TMEM117: variants seen among roughly 807,000 people sequenced by gnomAD.
TMEM117 encodes the protein transmembrane protein 117.
TMEM117 carries 27 observed loss-of-function variants against 52.4 expected under a neutral mutation model. The ratio of observed to expected loss-of-function variants is 0.51; its 90% CI spans 0.38 to 0.71. The LOEUF is 0.71. Among genes scored for constraint, TMEM117 ranks in the 30% least tolerant of loss-of-function variants. The pLI is 0.00. For missense variants in TMEM117, 556 were observed against 630.5 expected (o/e 0.88, Z 1.26); for synonymous variants, 215 against 206.3 (o/e 1.04, Z -0.36).
chr12:43,806,337 C>G, the TMEM117 span: 59 of 1,282,264 alleles, frequency 4.6e-5, 1 homozygote, highest in South Asian at 1.3e-3. Context: ...CCGCCGGCCC[C>G]GGCGCGTCAT....
chr12:43,882,107 A>T (rs1452720837), intron 2 of TMEM117, among the ~76,000 whole-genome samples: 1 of 151,962 alleles, frequency 6.6e-6, no homozygotes, highest in African/African-American at 2.4e-5. Context: ...AACAACAACA[A>T]CAAAGACTTT....
At chr12:44,359,551 C>A (rs905632874) in intron 6 of TMEM117, among the ~76,000 whole-genome samples, 4 of 151,864 alleles carry the variant, frequency 2.6e-5, no homozygotes, top group Non-Finnish European at 4.4e-5. Context: ...GAATTATAAA[C>A]CATAATTTGT....
At chr12:43,902,225 A>G (rs1018650911) in intron 2 of TMEM117, among the ~76,000 whole-genome samples, 4 of 152,314 alleles carry the variant, frequency 2.6e-5, no homozygotes, top group African/African-American at 9.6e-5. Context: ...ATGGGTTGGG[A>G]CCAAGGCATA....
intron 5 of TMEM117, among the ~76,000 whole-genome samples, chr12:44,217,530 T>C (rs2138416483): frequency 6.6e-6 from 1 of 152,340 alleles, no homozygotes; most frequent in Non-Finnish European, 1.5e-5. Flanking sequence ...TTCTTTAGAA[T>C]AAGGGATAAA....
intron 6 of TMEM117, among the ~76,000 whole-genome samples, chr12:44,315,415 T>G (rs1374898160): frequency 6.6e-6 from 1 of 152,212 alleles, no homozygotes; most frequent in African/African-American, 2.4e-5. Context: ...GTCAACACTG[T>G]TTTTGCTTCA....
At chr12:44,068,390 T>G (rs762599687) in intron 3 of TMEM117, among the ~76,000 whole-genome samples, 4 of 152,238 alleles carry the variant, frequency 2.6e-5, no homozygotes, top group Non-Finnish European at 5.9e-5. Context: ...CTCACTAAGC[T>G]TAATCATTTC....
chr12:43,959,544 T>C (rs1453554762), intron 3 of TMEM117, among the ~76,000 whole-genome samples: 1 of 152,216 alleles, frequency 6.6e-6, no homozygotes, highest in Non-Finnish European at 1.5e-5. Flanking sequence ...CTTTTTTCCT[T>C]TTCTAGTCAA....
chr12:44,042,430 C>T (rs999866544), intron 3 of TMEM117, among the ~76,000 whole-genome samples: 1 of 151,570 alleles, frequency 6.6e-6, no homozygotes, highest in East Asian at 1.9e-4. Context: ...TTGAAGGATA[C>T]AAAGTATTGA....
chr12:44,183,576 A>G (rs1444664677), intron 4 of TMEM117, among the ~76,000 whole-genome samples: 1 of 152,118 alleles, frequency 6.6e-6, no homozygotes, highest in East Asian at 1.9e-4. Flanking sequence ...GGGGGCTGGG[A>G]AAACTTATTT....
chr12:44,164,054 G>A (rs1260258120), intron 4 of TMEM117, among the ~76,000 whole-genome samples: 2 of 152,082 alleles, frequency 1.3e-5, no homozygotes, highest in Non-Finnish European at 2.9e-5. Context: ...GTGGGATTGG[G>A]ATTGGACAAA....
At chr12:43,861,908 CTCA>C (rs1258465483) in intron 2 of TMEM117, among the ~76,000 whole-genome samples, 1 of 152,128 alleles carries the variant, frequency 6.6e-6, no homozygotes, top group Non-Finnish European at 1.5e-5. Flanking sequence ...ATATTTTTGT[CTCA>C]TCATGTCTGA....
intron 6 of TMEM117, among the ~76,000 whole-genome samples, chr12:44,354,840 GT>G (rs1951622253): frequency 6.6e-6 from 1 of 151,658 alleles, no homozygotes; most frequent in African/African-American, 2.4e-5. Context: ...TGAAAACAAA[GT>G]GCTTTTAATT....
intron 3 of TMEM117, among the ~76,000 whole-genome samples, chr12:43,977,148 G>A (rs1026697077): frequency 2.9e-4 from 44 of 152,190 alleles, no homozygotes; most frequent in African/African-American, 1.0e-3. Flanking sequence ...TACCCTATGA[G>A]AGTTGTGATG....
chr12:44,303,238 G>T lies in TMEM117; in HGVS notation c.768+3499G>T, dbSNP rs575325679. On this transcript the variant is annotated intron_variant, in intron 6 of 7. Coordinates refer to ENST00000266534, the MANE Select transcript of TMEM117 (RefSeq NM_032256.3). ...TTGTATTTTTTTTTTTAGTAGAGATGGGGTTTCTCTATGTTGGTCAGGCTG... is the reference window on the plus strand; with the variant it reads ...TTGTATTTTTTTTTTTAGTAGAGATTGGGTTTCTCTATGTTGGTCAGGCTG... Among the ~76,000 whole-genome samples, 14 of 151,912 alleles carry T rather than the reference G, an allele frequency of 9.2e-5. No individual in the cohort carries two copies. The South Asian group carries it at 2.9e-3, about 32-fold the overall frequency.
intron 2 of TMEM117, among the ~76,000 whole-genome samples, chr12:43,866,874 TGAGGTCGG>T (rs1031103962): frequency 6.6e-6 from 1 of 152,190 alleles, no homozygotes; most frequent in African/African-American, 2.4e-5. Context: ...GTGGATCACC[TGAGGTCGG>T]GAGGTTGAGA....
chr12:43,818,545 A>G, the TMEM117 span, among the ~76,000 whole-genome samples: 1 of 151,952 alleles, frequency 6.6e-6, no homozygotes, highest in Non-Finnish European at 1.5e-5. Flanking sequence ...GGTTCAAGCA[A>G]TTCTCCTGCC....
At chr12:44,142,693 A>G (rs1167055938) in intron 3 of TMEM117, among the ~76,000 whole-genome samples, 2 of 152,190 alleles carry the variant, frequency 1.3e-5, no homozygotes, top group Non-Finnish European at 2.9e-5. Flanking sequence ...AAAACTTAAG[A>G]GTAAAATAAA....
chr12:44,197,125 A>G (rs547786837), intron 4 of TMEM117, among the ~76,000 whole-genome samples: 1 of 152,324 alleles, frequency 6.6e-6, no homozygotes, highest in South Asian at 2.1e-4. Flanking sequence ...GATAGCATGT[A>G]GTAGGCATTT....
chr12:44,043,296 G>T (rs1033243840), intron 3 of TMEM117, among the ~76,000 whole-genome samples: 2 of 152,170 alleles, frequency 1.3e-5, no homozygotes, highest in African/African-American at 4.8e-5. Context: ...TGGAAAAACA[G>T]ATACAAGTTC....
Sources: gnomAD v4.1 joint callset for allele counts (sites outside exome capture counted in the v4.1 genomes callset) on GRCh38, gnomAD v4.1.1 for gene constraint, MANE v1.5 for transcripts, NCBI Gene and HGNC (gene_info 2026-07-23, HGNC 2026-07-21) for gene names.